F10: variants seen among roughly 807,000 people sequenced by gnomAD.
The protein encoded by F10 is coagulation factor X.
Under a neutral mutation model 37.1 loss-of-function variants are expected in F10, and 29 were observed. That is an observed-to-expected ratio of 0.78 (90% CI 0.58 to 1.07). The LOEUF (loss-of-function observed/expected upper bound fraction) is 1.07, where lower values mean the gene tolerates loss of function less well. Ranked by LOEUF, F10 falls within the 50% of genes least tolerant of loss-of-function variation. The probability of loss-of-function intolerance (pLI) is 0.00; values close to 1 mark genes in which losing one functional copy is unlikely to be tolerated. For synonymous variants in F10, 262 were observed against 268.6 expected, an observed-to-expected ratio of 0.98 and a Z score of 0.24; for missense variants, 539 against 667.9, an observed-to-expected ratio of 0.81 and a Z score of 2.13.
At chr13:113,137,131 CTT>C (rs1566918230) in intron 2 of F10, among the ~76,000 whole-genome samples, 1 of 152,222 alleles carries the variant, frequency 6.6e-6, no homozygotes, top group Non-Finnish European at 1.5e-5. Context: ...AGATAAATGT[CTT>C]TTGCTGGGTG....
intron 1 of F10, among the ~76,000 whole-genome samples, chr13:113,126,883 C>T (rs2036375758): frequency 6.6e-6 from 1 of 152,174 alleles, no homozygotes; most frequent in South Asian, 2.1e-4. Context: ...TCCTCAGTGC[C>T]TTTTGTGGAG....
In F10 at chr13:113,129,586, G is replaced by A. The variant is rs1325135019; in HGVS notation, c.205G>A (p.Glu69Lys). Residue 69 changes from glutamate to lysine, a missense_variant, in exon 2 of 8, where the codon GAG becomes AAG. Glu to Lys is a moderately conservative substitution (Grantham distance 56). Coordinates refer to ENST00000375559, the MANE Select transcript of F10 (RefSeq NM_000504.4). ...EETCSYEEAR[E>K]VFEDSDKTNE... ...GACCTGCTCATACGAAGAGGCCCGC[G>A]AGGTCTTTGAGGACAGCGACAAGAC... is the stretch of plus-strand genomic sequence containing the variant. 1 of 1,614,206 alleles carries A rather than the reference G, an allele frequency of 6.2e-7. No individual in the cohort carries two copies. The highest frequency in any genetic ancestry group is 8.5e-7 in the Non-Finnish European group (1 of 1,180,030).
Position 113,139,782 on chromosome 13 carries a change from T to A in F10, c.370+312T>A, listed in dbSNP as rs986788958. 2.6e-5 allele frequency among the ~76,000 whole-genome samples: 4 copies of A among 151,958 alleles called. No individual in the cohort carries two copies. The highest frequency in any genetic ancestry group is 9.7e-5 in the African/African-American group (4 of 41,360). ...TGTGTAAACAGGAGTGGACTCTCTG[T>A]TTTCCTTGGGGCCAAGTGCATTGCC... is the stretch of plus-strand genomic sequence containing the variant. On this transcript the variant is annotated intron_variant, in intron 4 of 7. Coordinates refer to ENST00000375559, the MANE Select transcript of F10 (RefSeq NM_000504.4). The surrounding 1 kb of genome is among the most constrained non-coding windows in gnomAD (Gnocchi z 5.2).
At position 113,144,147 on chromosome 13, in the gene F10, G is replaced by A; in HGVS notation, c.747+52G>A. ...TGCTGGAGAGACCACCTGTCCCGCT[G>A]TGCACCTCGGGGAGGCCAGCCTGAC... On this transcript the variant is annotated intron_variant, in intron 6 of 7. Coordinates refer to ENST00000375559, the MANE Select transcript of F10 (RefSeq NM_000504.4). The surrounding 1 kb of genome is among the most constrained non-coding windows in gnomAD (Gnocchi z 6.4). 1 of 1,610,792 alleles carries A rather than the reference G, an allele frequency of 6.2e-7. No homozygotes were observed. Among genetic ancestry groups the A allele is most frequent in the South Asian group, 1.1e-5 (1 of 91,068 alleles).
At chr13:113,140,624 G>T in intron 4 of F10, 1 of 616,402 alleles carries the variant, frequency 1.6e-6, no homozygotes. Context: ...AGAGGGATGT[G>T]GAGTGACCGT....
At chr13:113,132,245 AT>A (rs557034958) in intron 2 of F10, among the ~76,000 whole-genome samples, 13 of 152,304 alleles carry the variant, frequency 8.5e-5, no homozygotes, top group Admixed American at 5.9e-4. Context: ...ATATACATAT[AT>A]TTTTTTCCAC....
Position 113,140,920 on chromosome 13 carries a change from C to T in F10, c.372C>T (p.Phe124=). ...EGFEGKNCEL[F]TRKLCSLDNG... ...AGCCAACGTGCCTCTCCTTTGCAGT[C>T]ACACGGAAGCTCTGCAGCCTGGACA... is the stretch of plus-strand genomic sequence containing the variant. Residue 124 remains phenylalanine (F), a splice_region_variant and synonymous_variant, in exon 5 of 8, where the codon TTC becomes TTT. Coordinates refer to ENST00000375559, the MANE Select transcript of F10 (RefSeq NM_000504.4). 2.5e-6 allele frequency: 4 copies of T among 1,614,076 alleles called. No individual in the cohort carries two copies. In the Admixed American group the frequency reaches 5.0e-5, roughly 20 times the overall value.
chr13:113,123,471 C>T (rs908629254), intron 1 of F10, among the ~76,000 whole-genome samples: 4 of 152,144 alleles, frequency 2.6e-5, no homozygotes, highest in African/African-American at 9.7e-5. Flanking sequence ...CTGTCCAGGA[C>T]CCCCGGGTCT....
At position 113,149,124 on chromosome 13, in the gene F10, G is replaced by A. The variant is rs373197117; in HGVS notation, c.1074G>A (p.Thr358=). 108 of 1,612,912 alleles carry A rather than the reference G, an allele frequency of 6.7e-5. No individual in the cohort carries two copies. The highest frequency in any genetic ancestry group is 4.7e-4 in the South Asian group (43 of 91,086). Residue 358 remains threonine (T), a synonymous_variant, in exon 8 of 8, where the codon ACG becomes ACA. Coordinates refer to ENST00000375559, the MANE Select transcript of F10 (RefSeq NM_000504.4). This position sits in a 1 kb window ranked among gnomAD's most constrained non-coding sequence, Gnocchi z 7.5. ...WAESTLMTQK[T]GIVSGFGRTH... ...AGTCCACGCTGATGACGCAGAAGAC[G>A]GGGATTGTGAGCGGCTTCGGGCGCA... is the stretch of plus-strand genomic sequence containing the variant.
chr13:113,122,822 C>T lies in F10; in HGVS notation c.-34C>T. 6.2e-7 allele frequency: 1 copy of T among 1,604,976 alleles called. No homozygotes were observed. The highest frequency in any genetic ancestry group is 8.5e-7 in the Non-Finnish European group (1 of 1,177,888). On this transcript the variant is annotated 5_prime_UTR_variant, in exon 1 of 8. Coordinates refer to ENST00000375559, the MANE Select transcript of F10 (RefSeq NM_000504.4). ...TGGACTTTGCTCCAGCAGCCTGTCC[C>T]AGTGAGGACAGGGACACAGTACTCG...
Position 113,143,702 on chromosome 13 carries a change from TG to T in F10, c.503-145del. 1 of 1,153,634 alleles carries T rather than the reference TG, an allele frequency of 8.7e-7. No individual in the cohort carries two copies. The highest frequency in any genetic ancestry group is 1.2e-6 in the Non-Finnish European group (1 of 841,136). The allele number at this position is 1,153,634 out of a possible 1,614,324, so 71.5% of individuals were successfully genotyped here. A position where few individuals can be genotyped will look rare whatever the true frequency, so the allele number is the denominator to read the frequency against. On this transcript the variant is annotated intron_variant, in intron 5 of 7. Coordinates refer to ENST00000375559, the MANE Select transcript of F10 (RefSeq NM_000504.4). The surrounding 1 kb of genome is among the most constrained non-coding windows in gnomAD (Gnocchi z 6.8). ...GCAGATCCGACCCCTGCCGACGACGTGGGGCCTCGCCCTGCAAGCCCGCTGC... is the reference window on the plus strand; with the variant it reads ...GCAGATCCGACCCCTGCCGACGACGTGGGCCTCGCCCTGCAAGCCCGCTGC...
chr13:113,125,678 G>A (rs1007082394), intron 1 of F10, among the ~76,000 whole-genome samples: 11 of 152,232 alleles, frequency 7.2e-5, no homozygotes, highest in South Asian at 2.1e-4. Flanking sequence ...GCGTTGATGC[G>A]ACTCAGCCAT....
At chr13:113,126,341 G>T (rs1464836978) in intron 1 of F10, among the ~76,000 whole-genome samples, 6 of 152,184 alleles carry the variant, frequency 3.9e-5, no homozygotes, top group Admixed American at 2.0e-4. Flanking sequence ...CAGGCTTCAG[G>T]GAGATGGGAA....
At chr13:113,125,133 G>T (rs955015992) in intron 1 of F10, among the ~76,000 whole-genome samples, 1 of 152,202 alleles carries the variant, frequency 6.6e-6, no homozygotes, top group African/African-American at 2.4e-5. Flanking sequence ...GGAAAGACAT[G>T]AATTTGGAGG....
In F10 at chr13:113,146,624, C is replaced by CA. The variant is rs1411964562; in HGVS notation, c.748-749dup. Among the ~76,000 whole-genome samples the CA allele has an allele frequency of 6.6e-6, 1 of 152,004 alleles. No individual in the cohort carries two copies. Among genetic ancestry groups the CA allele is most frequent in the Admixed American group, 6.5e-5 (1 of 15,268 alleles). On this transcript the variant is annotated intron_variant, in intron 6 of 7. Transcript: ENST00000375559. The surrounding 1 kb of genome is among the most constrained non-coding windows in gnomAD (Gnocchi z 4.5). ...CTGGATGATGAGTTGACAAATTATGCAAAAAAGAGGCAAAAACATGACCCC... is the reference window on the plus strand; with the variant it reads ...CTGGATGATGAGTTGACAAATTATGCAAAAAAAGAGGCAAAAACATGACCCC...
intron 4 of F10, 192 bp from the exon 5 acceptor site, chr13:113,140,727 G>A: frequency 1.2e-6 from 1 of 807,412 alleles, no homozygotes; most frequent in Admixed American, 1.9e-5. Flanking sequence ...ACCGGGCACT[G>A]CACCATGAGC....
intron 2 of F10, among the ~76,000 whole-genome samples, chr13:113,133,499 T>C (rs899860625): frequency 3.9e-5 from 6 of 152,134 alleles, no homozygotes; most frequent in Admixed American, 1.3e-4. Context: ...CACCAAAACA[T>C]ACACAAGGTG....
At chr13:113,123,221 G>A (rs1401822469) in intron 1 of F10, among the ~76,000 whole-genome samples, 1 of 152,166 alleles carries the variant, frequency 6.6e-6, no homozygotes, top group African/African-American at 2.4e-5. Flanking sequence ...CAGTGAGATG[G>A]GAGGCCAAGA....
At position 113,139,614 on chromosome 13, in the gene F10, C is replaced by G. The variant is rs1480545199; in HGVS notation, c.370+144C>G. On this transcript the variant is annotated intron_variant, in intron 4 of 7. Transcript: ENST00000375559. The surrounding 1 kb of genome is among the most constrained non-coding windows in gnomAD (Gnocchi z 5.2). ...TCTGGGCTCTATTATACCTATTATA[C>G]TGTGCCACTATAGCAATAGAAAAAA... is the stretch of plus-strand genomic sequence containing the variant. The G allele has an allele frequency of 1.5e-5, 11 of 720,916 alleles. No individual in the cohort carries two copies. The highest frequency in any genetic ancestry group is 2.4e-6 in the Non-Finnish European group (1 of 409,718). The allele number at this position is 720,916 out of a possible 1,614,324, so 44.7% of individuals were successfully genotyped here. A position where few individuals can be genotyped will look rare whatever the true frequency, so the allele number is the denominator to read the frequency against.
Sources: allele counts gnomAD v4.1 joint callset (sites outside exome capture counted in the v4.1 genomes callset), GRCh38; gene constraint gnomAD v4.1.1; non-coding constraint Gnocchi (gnomAD v3.1); transcripts MANE v1.5; gene names NCBI Gene and HGNC (gene_info 2026-07-23, HGNC 2026-07-21).